The following RBFOX1 variants were observed in gnomAD, a reference collection of about 807,000 sequenced individuals.
RBFOX1 encodes the protein RNA binding protein fox-1 homolog 1.
A neutral mutation model predicts 57.7 loss-of-function variants in RBFOX1; 8 were observed. The observed-to-expected ratio is 0.14, with a 90% confidence interval of 0.08 to 0.25. The LOEUF (loss-of-function observed/expected upper bound fraction) is 0.25, where lower values mean the gene tolerates loss of function less well. Among genes scored for constraint, RBFOX1 ranks in the 10% least tolerant of loss-of-function variants. The pLI is 1.00. For missense variants in RBFOX1, 611 were observed against 548.5 expected, an observed-to-expected ratio of 1.11 and a Z score of -1.14; for synonymous variants, 326 against 222.4, an observed-to-expected ratio of 1.47 and a Z score of -4.15.
chr16:5,985,912 G>C (rs2060276718), intron 4 of RBFOX1, among the ~76,000 whole-genome samples: 1 of 152,158 alleles, frequency 6.6e-6, no homozygotes, highest in African/African-American at 2.4e-5. Flanking sequence ...AGGCAAACCG[G>C]TGCTACTTTT....
intron 3 of RBFOX1, among the ~76,000 whole-genome samples, chr16:6,756,081 C>A (rs557318799): frequency 1.8e-4 from 27 of 152,066 alleles, no homozygotes; most frequent in African/African-American, 6.0e-4. Context: ...GCAGCAAAAC[C>A]CTTTTTGCAA....
At chr16:6,990,916 C>T (rs899729979) in intron 3 of RBFOX1, among the ~76,000 whole-genome samples, 13 of 152,112 alleles carry the variant, frequency 8.5e-5, no homozygotes, top group Admixed American at 7.9e-4. Flanking sequence ...AAGTGACTCT[C>T]GCAATTTATT....
chr16:6,556,396 A>G (rs2097098837), intron 2 of RBFOX1, among the ~76,000 whole-genome samples: 1 of 152,160 alleles, frequency 6.6e-6, no homozygotes, highest in African/African-American at 2.4e-5. Flanking sequence ...ATGATGGCAA[A>G]TGTTGAATGT....
At chr16:7,347,776 C>T (rs138333830) in intron 4 of RBFOX1, among the ~76,000 whole-genome samples, 1 of 152,118 alleles carries the variant, frequency 6.6e-6, no homozygotes, top group African/African-American at 2.4e-5. Context: ...TGCCCGAGAC[C>T]CCCATGTATT....
chr16:6,339,649 TTTTTATTTTA>T (rs150077063), intron 2 of RBFOX1, among the ~76,000 whole-genome samples: 38 of 145,300 alleles, frequency 2.6e-4, no homozygotes, highest in East Asian at 1.4e-3. Context: ...ATTCCTTTAT[TTTTTATTTTA>T]TTTTATTTTA....
chr16:5,560,659 A>C (rs553351356), intron 2 of RBFOX1, among the ~76,000 whole-genome samples: 1 of 152,168 alleles, frequency 6.6e-6, no homozygotes, highest in African/African-American at 2.4e-5. Context: ...TTATTCCTTC[A>C]TTTTTATCCA....
intron 4 of RBFOX1, among the ~76,000 whole-genome samples, chr16:7,449,693 G>C (rs890951497): frequency 7.4e-6 from 1 of 135,896 alleles, no homozygotes; most frequent in Non-Finnish European, 1.5e-5. Flanking sequence ...GATAATTTTA[G>C]CTGGAGAAAA....
In RBFOX1 at chr16:7,518,275, C is replaced by T; in HGVS notation, c.156C>T (p.Tyr52=). The change falls in exon 5 of 16, where the codon TAC becomes TAT. Residue 52 remains tyrosine (Y), a synonymous_variant. Coordinates refer to ENST00000550418, the MANE Select transcript of RBFOX1 (RefSeq NM_018723.4). ...TAPHPHPAPE[Y]TGQTTVPEHT... ...CTCATCCCCACCCCGCGCCAGAGTA[C>T]ACAGGCCAGACCACGGTTCCCGAGC... 6.2e-7 allele frequency: 1 copy of T among 1,614,178 alleles called. No homozygotes were observed. Among genetic ancestry groups the T allele is most frequent in the Non-Finnish European group, 8.5e-7 (1 of 1,180,034 alleles).
chr16:5,658,799 G>GTATATATAATATA lies in RBFOX1; in HGVS notation c.318+59839_318+59840insATATATAATATAT, dbSNP rs2049544763. Among the ~76,000 whole-genome samples, 4 of 135,180 alleles carry GTATATATAATATA rather than the reference G, an allele frequency of 3.0e-5. No individual in the cohort carries two copies. The South Asian group carries it at 8.5e-4, about 29-fold the overall frequency. 88.7% of individuals were successfully genotyped at this position (135,180 alleles called of 152,430 possible). A position where few individuals can be genotyped will look rare whatever the true frequency, so the allele number is the denominator to read the frequency against. On this transcript the variant is annotated intron_variant, in intron 3 of 19. Transcript: ENST00000641259. ...GTATATATGTATATATATAATATATGTGTATATATGTATATATAATATATG... is the reference window on the plus strand; with the variant it reads ...GTATATATGTATATATATAATATATGTATATATAATATATGTATATATGTATATATAATATATG...
At chr16:6,083,340 G>A (rs919866392) in intron 1 of RBFOX1, among the ~76,000 whole-genome samples, 1 of 152,112 alleles carries the variant, frequency 6.6e-6, no homozygotes, top group Admixed American at 6.6e-5. Flanking sequence ...TGCTTTATTA[G>A]CTGTAGTCAC....
At chr16:7,442,584 A>T (rs537285513) in intron 4 of RBFOX1, among the ~76,000 whole-genome samples, 3 of 152,144 alleles carry the variant, frequency 2.0e-5, no homozygotes, top group Non-Finnish European at 4.4e-5. Flanking sequence ...TGTCCCTGCA[A>T]CTAGCTTCAG....
chr16:5,273,989 C>T (rs2063080536), intron 1 of RBFOX1, among the ~76,000 whole-genome samples: 2 of 152,178 alleles, frequency 1.3e-5, no homozygotes, highest in Non-Finnish European at 1.5e-5. Flanking sequence ...ACATTTCCTA[C>T]ATCCGGGTGT....
intron 3 of RBFOX1, among the ~76,000 whole-genome samples, chr16:6,841,719 C>G (rs371804119): frequency 2.0e-5 from 3 of 152,108 alleles, no homozygotes; most frequent in South Asian, 2.1e-4. Context: ...CATGAACCCT[C>G]TAAGAAGTGG....
chr16:6,886,172 C>T (rs912373757), intron 3 of RBFOX1, among the ~76,000 whole-genome samples: 2 of 151,932 alleles, frequency 1.3e-5, no homozygotes, highest in South Asian at 2.1e-4. Context: ...AGTGACTCTC[C>T]TGCCTCAGCC....
Position 6,563,373 on chromosome 16 carries a change from C to A in RBFOX1, c.-63-91230C>A, listed in dbSNP as rs144079712. Among the ~76,000 whole-genome samples, 379 of 152,204 alleles carry A rather than the reference C, an allele frequency of 2.5e-3. 1 individual carries two copies. Among genetic ancestry groups the A allele is most frequent in the African/African-American group, 8.5e-3 (353 of 41,536 alleles). On this transcript the variant is annotated intron_variant, in intron 2 of 15. Transcript: ENST00000550418. ...TATTTCATAGGAATCCATTTAAGTC[C>A]ATCTTATTATTACCCTCATTTATCA...
intron 4 of RBFOX1, among the ~76,000 whole-genome samples, chr16:5,925,204 A>T (rs763836337): frequency 5.9e-5 from 9 of 152,214 alleles, no homozygotes; most frequent in Non-Finnish European, 1.3e-4. Flanking sequence ...TACTGCCTGT[A>T]TACAAATGCT....
intron 3 of RBFOX1, among the ~76,000 whole-genome samples, chr16:5,790,185 C>A (rs1201290246): frequency 1.3e-5 from 2 of 152,202 alleles, no homozygotes; most frequent in Non-Finnish European, 2.9e-5. Flanking sequence ...CTGAAAGTGA[C>A]AAATAGCCCT....
intron 3 of RBFOX1, among the ~76,000 whole-genome samples, chr16:5,764,407 C>A (rs1243069338): frequency 9.9e-5 from 15 of 152,230 alleles, no homozygotes; most frequent in Non-Finnish European, 2.9e-5. Flanking sequence ...GTAAAGCCTG[C>A]AGAACCATGA....
intron 3 of RBFOX1, among the ~76,000 whole-genome samples, chr16:5,825,793 A>T (rs151317424): frequency 6.9e-4 from 84 of 121,364 alleles, no homozygotes; most frequent in Non-Finnish European, 1.1e-3. Flanking sequence ...ATAAGGAATA[A>T]TATTCCTTAA....
Sources: allele counts gnomAD v4.1 joint callset (sites outside exome capture counted in the v4.1 genomes callset), GRCh38; gene constraint gnomAD v4.1.1; transcripts MANE v1.5; gene names NCBI Gene and HGNC (gene_info 2026-07-23, HGNC 2026-07-21).